Variants in CFDP1 observed in about 807,000 individuals in gnomAD.
The protein encoded by CFDP1 is chromatin remodeling protein CFDP1, also known as heterochromatin-stabilizing protein CFDP1.
Under a neutral mutation model 40.1 loss-of-function variants are expected in CFDP1, and 31 were observed. The ratio of observed to expected loss-of-function variants is 0.77; its 90% CI spans 0.58 to 1.04. The LOEUF (loss-of-function observed/expected upper bound fraction) is 1.04. Ranked by LOEUF, CFDP1 falls within the 50% of genes least tolerant of loss-of-function variation. The pLI is 0.00. For missense variants in CFDP1, 423 were observed against 343.4 expected (o/e 1.23, Z -1.83); for synonymous variants, 167 against 120.0 (o/e 1.39, Z -2.56).
chr16:75,423,089 G>A (rs2151598390), intron 1 of CFDP1, among the ~76,000 whole-genome samples: 1 of 151,994 alleles, frequency 6.6e-6, no homozygotes. Flanking sequence ...GACCATCCTG[G>A]CTAACACGGT....
chr16:75,433,205 G>A, intron 1 of CFDP1, 84 bp downstream of exon 1: 1 of 1,360,048 alleles, frequency 7.4e-7, no homozygotes, highest in Non-Finnish European at 1.0e-6. Context: ...GGGCCACAGG[G>A]CAGACGCCCG....
At chr16:75,429,567 C>T (rs969328672) in intron 1 of CFDP1, among the ~76,000 whole-genome samples, 1 of 151,924 alleles carries the variant, frequency 6.6e-6, no homozygotes. Flanking sequence ...GCAAGAGAAT[C>T]GCTCAAACCC....
intron 5 of CFDP1, among the ~76,000 whole-genome samples, chr16:75,328,041 T>C (rs189552288): frequency 1.3e-5 from 2 of 151,112 alleles, no homozygotes; most frequent in South Asian, 2.1e-4. Context: ...CACCAAATTA[T>C]AATGTAATAG....
intron 4 of CFDP1, 92 bp downstream of exon 4, chr16:75,411,733 G>T: frequency 1.6e-6 from 2 of 1,249,738 alleles, no homozygotes; most frequent in Non-Finnish European, 2.3e-6. Context: ...ATATTATGAT[G>T]GATTGAAAAG....
At chr16:75,328,611 A>AAC (rs1555554670) in intron 5 of CFDP1, among the ~76,000 whole-genome samples, 11 of 149,944 alleles carry the variant, frequency 7.3e-5, no homozygotes, top group African/African-American at 2.4e-4. Flanking sequence ...AAAAAAAAAA[A>AAC]AAAAAAAAAA....
chr16:75,350,045 G>C (rs921215474), intron 5 of CFDP1, among the ~76,000 whole-genome samples: 1 of 151,972 alleles, frequency 6.6e-6, no homozygotes, highest in East Asian at 1.9e-4. Flanking sequence ...TCAGATTGAG[G>C]AAGTTCCTTC....
intron 5 of CFDP1, among the ~76,000 whole-genome samples, chr16:75,353,016 G>A (rs922722319): frequency 1.3e-5 from 2 of 152,124 alleles, no homozygotes; most frequent in Non-Finnish European, 2.9e-5. Context: ...CTACTATGAG[G>A]ATGTAACCAG....
At chr16:75,339,829 G>C (rs2078514275) in intron 5 of CFDP1, among the ~76,000 whole-genome samples, 1 of 152,208 alleles carries the variant, frequency 6.6e-6, no homozygotes, top group South Asian at 2.1e-4. Flanking sequence ...TCACCAGGTA[G>C]AAGCTGTTCT....
At chr16:75,324,388 C>A (rs1237479604) in intron 5 of CFDP1, among the ~76,000 whole-genome samples, 1 of 152,100 alleles carries the variant, frequency 6.6e-6, no homozygotes, top group African/African-American at 2.4e-5. Context: ...GTTGTCCTCA[C>A]TCTTATCCTC....
intron 6 of CFDP1, among the ~76,000 whole-genome samples, chr16:75,300,357 G>C (rs906712580): frequency 2.6e-5 from 4 of 152,100 alleles, no homozygotes; most frequent in Admixed American, 2.0e-4. Flanking sequence ...GCATGATCTT[G>C]GCTCATTGCA....
chr16:75,360,159 G>T (rs1047753132), intron 5 of CFDP1, among the ~76,000 whole-genome samples: 1 of 152,150 alleles, frequency 6.6e-6, no homozygotes, highest in Non-Finnish European at 1.5e-5. Context: ...CCCAAAAAGT[G>T]CTGGGATTAC....
chr16:75,301,535 T>C (rs1386978638), intron 6 of CFDP1, among the ~76,000 whole-genome samples: 1 of 113,622 alleles, frequency 8.8e-6, no homozygotes, highest in Non-Finnish European at 1.8e-5. Context: ...TTTTGTTGTG[T>C]CTTTTTTTTT....
At chr16:75,380,393 C>T (rs2078842770) in intron 5 of CFDP1, among the ~76,000 whole-genome samples, 1 of 152,096 alleles carries the variant, frequency 6.6e-6, no homozygotes, top group Admixed American at 6.6e-5. Context: ...ATAGTGGTTA[C>T]AGCCGGCAGG....
chr16:75,387,394 G>A lies in CFDP1; in HGVS notation c.650+7696C>T, dbSNP rs1299249000. 2.0e-5 allele frequency among the ~76,000 whole-genome samples: 3 copies of A among 152,142 alleles called. 1 individual carries two copies. The East Asian group carries it at 5.8e-4, about 29-fold the overall frequency. Reference sequence around the variant, plus strand: ...CTGACCTCGTGATCCACCCGCCTCGGCCTCCCAAAGTGCTGGGATTACAGG... The same window carrying A: ...CTGACCTCGTGATCCACCCGCCTCGACCTCCCAAAGTGCTGGGATTACAGG... On this transcript the variant is annotated intron_variant, in intron 5 of 6. Transcript: ENST00000283882.
intron 5 of CFDP1, among the ~76,000 whole-genome samples, chr16:75,319,837 T>G (rs1250097550): frequency 6.6e-6 from 1 of 152,202 alleles, no homozygotes; most frequent in African/African-American, 2.4e-5. Flanking sequence ...TGGGGTTACT[T>G]AAGCATGAGC....
chr16:75,308,747 C>T (rs576179303), intron 5 of CFDP1, among the ~76,000 whole-genome samples: 26 of 152,194 alleles, frequency 1.7e-4, no homozygotes, highest in Non-Finnish European at 1.8e-4. Flanking sequence ...AAGCTATGTA[C>T]GCCACCTCTC....
At chr16:75,423,280 CAA>C (rs34137868) in intron 1 of CFDP1, among the ~76,000 whole-genome samples, 1,969 of 109,278 alleles carry the variant, frequency 0.018, 46 homozygotes, top group African/African-American at 0.064. Flanking sequence ...GACTCCGTCT[CAA>C]AAAAAAAAAA....
At chr16:75,397,778 C>A (rs1209847653) in intron 4 of CFDP1, among the ~76,000 whole-genome samples, 3 of 152,134 alleles carry the variant, frequency 2.0e-5, no homozygotes, top group Non-Finnish European at 4.4e-5. Context: ...TGCACTCCAG[C>A]CTGGGCGACA....
At chr16:75,354,633 T>A (rs2151528259) in intron 5 of CFDP1, among the ~76,000 whole-genome samples, 2 of 152,356 alleles carry the variant, frequency 1.3e-5, no homozygotes, top group South Asian at 4.1e-4. Flanking sequence ...CTCTGTTCCA[T>A]CTTTCCAACT....
Sources: allele counts gnomAD v4.1 joint callset (sites outside exome capture counted in the v4.1 genomes callset), GRCh38; gene constraint gnomAD v4.1.1; transcripts MANE v1.5; gene names NCBI Gene and HGNC (gene_info 2026-07-23, HGNC 2026-07-21).